The following KCNK12 variants were observed in gnomAD, a reference collection of about 807,000 sequenced individuals.
KCNK12 encodes the protein potassium two pore domain channel subfamily K member 12.
Under a neutral mutation model 25.3 loss-of-function variants are expected in KCNK12, and 6 were observed. The ratio of observed to expected loss-of-function variants is 0.24; its 90% CI spans 0.13 to 0.47. The LOEUF is 0.47. Among genes scored for constraint, KCNK12 ranks in the 20% least tolerant of loss-of-function variants. The probability of loss-of-function intolerance (pLI) is 0.99; values close to 1 mark genes in which losing one functional copy is unlikely to be tolerated. For synonymous variants in KCNK12, 331 were observed against 311.1 expected (o/e 1.06, Z -0.67); for missense variants, 444 against 661.7 (o/e 0.67, Z 3.61).
Position 47,570,368 on chromosome 2 carries a change from G to C in KCNK12, c.-37C>G. The C allele has an allele frequency of 3.3e-6, 4 of 1,218,048 alleles. No individual in the cohort carries two copies. Among genetic ancestry groups the C allele is most frequent in the East Asian group, 6.9e-5 (2 of 28,882 alleles). 75.5% of individuals were successfully genotyped at this position (1,218,048 alleles called of 1,614,324 possible). On this transcript the variant is annotated 5_prime_UTR_variant, in exon 1 of 2. Coordinates refer to ENST00000327876, the MANE Select transcript of KCNK12 (RefSeq NM_022055.2). The stretch of plus-strand genomic sequence containing the variant: ...CAGCCCCGGGGCCGGGGCGGCGCTC[G>C]GGGCCCGGGCCACGACATCCCCCCG...
rs532821204 is a variant in KCNK12 at position 47,556,443 on chromosome 2, A to G, written c.391+13498T>C. Among the ~76,000 whole-genome samples the G allele has an allele frequency of 2.0e-5, 3 of 152,260 alleles. No individual in the cohort carries two copies. The South Asian group carries it at 6.2e-4, about 32-fold the overall frequency. ...GAGTGAGGGGAATGGGAGGCTAAAGATGGAAGAGGGAGGATAAGTGGTGGA... is the reference window on the plus strand; with the variant it reads ...GAGTGAGGGGAATGGGAGGCTAAAGGTGGAAGAGGGAGGATAAGTGGTGGA... On this transcript the variant is annotated intron_variant, in intron 1 of 1. Coordinates refer to ENST00000327876, the MANE Select transcript of KCNK12 (RefSeq NM_022055.2). The surrounding 1 kb of genome is among the most constrained non-coding windows in gnomAD (Gnocchi z 4.8).
chr2:47,559,609 G>C (rs1316217949), intron 1 of KCNK12, among the ~76,000 whole-genome samples: 1 of 152,222 alleles, frequency 6.6e-6, no homozygotes, highest in Non-Finnish European at 1.5e-5. Flanking sequence ...TTGTAACAGT[G>C]ACAAGCACTA....
In KCNK12 at chr2:47,540,303, T is replaced by C. The variant is rs574706099; in HGVS notation, c.392-18495A>G. 1.3e-5 allele frequency among the ~76,000 whole-genome samples: 2 copies of C among 152,288 alleles called. No homozygotes were observed. Among genetic ancestry groups the C allele is most frequent in the Admixed American group, 6.5e-5 (1 of 15,312 alleles). On this transcript the variant is annotated intron_variant, in intron 1 of 1. Transcript: ENST00000327876. The surrounding 1 kb of genome is among the most constrained non-coding windows in gnomAD (Gnocchi z 5.4). ...CACAGCTACTCACTTTCCTACTCTG[T>C]GCCAGCCATGAGGTGTAGTCACTGT...
In KCNK12 at chr2:47,510,849, C is replaced by G. The variant is rs904184529; in HGVS notation, c.*10058G>C. 6.6e-6 allele frequency: 1 copy of G among 152,164 alleles called. No individual in the cohort carries two copies. The highest frequency in any genetic ancestry group is 2.4e-5 in the African/African-American group (1 of 41,428). 9.4% of individuals were successfully genotyped at this position (152,164 alleles called of 1,614,324 possible). A position where few individuals can be genotyped will look rare whatever the true frequency, so the allele number is the denominator to read the frequency against. ...TTGAAGATAGAAAAGGAATGAAGGGCCGGAGAAGTACAGCTGGGTGAAGCA... is the reference window on the plus strand; with the variant it reads ...TTGAAGATAGAAAAGGAATGAAGGGGCGGAGAAGTACAGCTGGGTGAAGCA... On this transcript the variant is annotated 3_prime_UTR_variant, in exon 2 of 2. Coordinates refer to ENST00000327876, the MANE Select transcript of KCNK12 (RefSeq NM_022055.2).
At position 47,555,597 on chromosome 2, in the gene KCNK12, C is replaced by A. The variant is rs898400932; in HGVS notation, c.391+14344G>T. On this transcript the variant is annotated intron_variant, in intron 1 of 1. Transcript: ENST00000327876. The surrounding 1 kb of genome is among the most constrained non-coding windows in gnomAD (Gnocchi z 4.5). Reference sequence around the variant, plus strand: ...TATCACTCTTTGTTAAAATGGTATACAACTTCTTTTTAGGTAATTCCTTTT... The same window carrying A: ...TATCACTCTTTGTTAAAATGGTATAAAACTTCTTTTTAGGTAATTCCTTTT... 3.9e-5 allele frequency among the ~76,000 whole-genome samples: 6 copies of A among 152,222 alleles called. No individual in the cohort carries two copies. The highest frequency in any genetic ancestry group is 3.3e-4 in the Admixed American group (5 of 15,282).
At chr2:47,559,272 G>A (rs923067665) in intron 1 of KCNK12, among the ~76,000 whole-genome samples, 23 of 152,214 alleles carry the variant, frequency 1.5e-4, no homozygotes, top group Admixed American at 9.8e-4. Context: ...CACTGAGAGA[G>A]CATTAAAGCA....
intron 1 of KCNK12, among the ~76,000 whole-genome samples, chr2:47,568,774 G>A (rs746624898): frequency 6.6e-6 from 1 of 152,218 alleles, no homozygotes; most frequent in Non-Finnish European, 1.5e-5. Context: ...AAACTGCACA[G>A]GAGAGAGTGC....
chr2:47,541,746 T>C (rs569038581), intron 1 of KCNK12, among the ~76,000 whole-genome samples: 9 of 152,248 alleles, frequency 5.9e-5, no homozygotes, highest in Non-Finnish European at 1.0e-4. Flanking sequence ...CGTGAAGATA[T>C]GGAGAAGGTG....
chr2:47,568,065 A>T (rs549295540), intron 1 of KCNK12, among the ~76,000 whole-genome samples: 2 of 152,160 alleles, frequency 1.3e-5, no homozygotes, highest in Non-Finnish European at 2.9e-5. Context: ...GGATGGACTC[A>T]TGGCCCAAAA....
At position 47,562,285 on chromosome 2, in the gene KCNK12, TA is replaced by T. The variant is rs556974875; in HGVS notation, c.391+7655del. 1.1e-4 allele frequency: 43 copies of T among 396,090 alleles called. No homozygotes were observed. Among genetic ancestry groups the T allele is most frequent in the African/African-American group, 5.7e-4 (28 of 48,708 alleles). 24.5% of individuals were successfully genotyped at this position (396,090 alleles called of 1,614,324 possible). ...CTGTAACATCTGTTGCTGTTGAGTATAAAGACACTGTGAACATTGTAAAATC... is the reference window on the plus strand; with the variant it reads ...CTGTAACATCTGTTGCTGTTGAGTATAAGACACTGTGAACATTGTAAAATC... On this transcript the variant is annotated intron_variant, in intron 1 of 1. Coordinates refer to ENST00000327876, the MANE Select transcript of KCNK12 (RefSeq NM_022055.2). The surrounding 1 kb of genome is among the most constrained non-coding windows in gnomAD (Gnocchi z 4.8).
chr2:47,539,375 G>A (rs1384044850), intron 1 of KCNK12, among the ~76,000 whole-genome samples: 2 of 152,138 alleles, frequency 1.3e-5, no homozygotes, highest in Admixed American at 6.5e-5. Flanking sequence ...ATTTTAGGAG[G>A]TGGTAGTCAA....
At chr2:47,563,353 G>GTGTGTCTGTGTGTGCTGTT (rs1322301156) in intron 1 of KCNK12, 2 of 233,466 alleles carry the variant, frequency 8.6e-6, no homozygotes, top group Non-Finnish European at 8.5e-6. Context: ...CAGTGTGTGT[G>GTGTGTCTGTGTGTGCTGTT]TGTGTCTGTG....
rs1558541791 is a variant in KCNK12 at position 47,512,239 on chromosome 2, A to G, written c.*8668T>C. On this transcript the variant is annotated 3_prime_UTR_variant, in exon 2 of 2. Coordinates refer to ENST00000327876, the MANE Select transcript of KCNK12 (RefSeq NM_022055.2). ...GGTACTCTGCAGATGTTTGCTGAGT[A>G]TCGTTCTTGATGGAAATCCCCGTGG... 6.3e-7 allele frequency: 1 copy of G among 1,588,680 alleles called. No individual in the cohort carries two copies. The highest frequency in any genetic ancestry group is 1.1e-5 in the South Asian group (1 of 87,638).
Position 47,520,881 on chromosome 2 carries a change from G to A in KCNK12, c.*26C>T. ...CCGGCGGCCCCGCGGCCTGGAGAGG[G>A]TCCCCGGCGCGGGCGGACGGGCGGT... is the stretch of plus-strand genomic sequence containing the variant. On this transcript the variant is annotated 3_prime_UTR_variant, in exon 2 of 2. Transcript: ENST00000327876. This position sits in a 1 kb window ranked among gnomAD's most constrained non-coding sequence, Gnocchi z 5.0. 8.1e-7 allele frequency: 1 copy of A among 1,237,740 alleles called. No individual in the cohort carries two copies. The allele number at this position is 1,237,740 out of a possible 1,614,324, so 76.7% of individuals were successfully genotyped here. A position where few individuals can be genotyped will look rare whatever the true frequency, so the allele number is the denominator to read the frequency against.
chr2:47,568,400 T>C (rs1179550542), intron 1 of KCNK12, among the ~76,000 whole-genome samples: 1 of 152,120 alleles, frequency 6.6e-6, no homozygotes, highest in Non-Finnish European at 1.5e-5. Flanking sequence ...TCTATCACCA[T>C]AACAACATGA....
intron 1 of KCNK12, among the ~76,000 whole-genome samples, chr2:47,567,898 C>A (rs545033506): frequency 6.6e-6 from 1 of 152,342 alleles, no homozygotes; most frequent in South Asian, 2.1e-4. Context: ...AATTTCCCAA[C>A]ACACTGACTT....
At chr2:47,542,767 G>A (rs374865923) in intron 1 of KCNK12, among the ~76,000 whole-genome samples, 8 of 152,188 alleles carry the variant, frequency 5.3e-5, no homozygotes, top group East Asian at 1.9e-4. Flanking sequence ...GCCTTTGAAC[G>A]TGTGAGAAGC....
intron 1 of KCNK12, among the ~76,000 whole-genome samples, chr2:47,542,096 C>T (rs1206579154): frequency 1.2e-4 from 18 of 152,188 alleles, no homozygotes; most frequent in Admixed American, 1.0e-3. Flanking sequence ...ACTGTTTATT[C>T]CCAGAGAAAT....
chr2:47,534,520 C>G (rs1051879043), intron 1 of KCNK12, among the ~76,000 whole-genome samples: 3 of 122,740 alleles, frequency 2.4e-5, no homozygotes, highest in East Asian at 3.2e-4. Context: ...TTCTAACCCC[C>G]CCCCCCGCCC....
Sources: gnomAD v4.1 joint callset for allele counts (sites outside exome capture counted in the v4.1 genomes callset) on GRCh38, gnomAD v4.1.1 for gene constraint, Gnocchi (gnomAD v3.1) non-coding constraint, MANE v1.5 for transcripts, NCBI Gene and HGNC (gene_info 2026-07-23, HGNC 2026-07-21) for gene names.